Variants in CSMD3 observed in about 807,000 individuals in gnomAD.
CSMD3 encodes the protein CUB and sushi domain-containing protein 3.
Under a neutral mutation model 435.2 loss-of-function variants are expected in CSMD3, and 177 were observed. That is an observed-to-expected ratio of 0.41 (90% CI 0.36 to 0.46). The LOEUF (loss-of-function observed/expected upper bound fraction) is 0.46. Ranked by LOEUF, CSMD3 falls within the 20% of genes least tolerant of loss-of-function variation. The pLI, the probability that CSMD3 is intolerant of heterozygous loss-of-function variation, is 0.34. For synonymous variants in CSMD3, 1,656 were observed against 1,520.5 expected (o/e 1.09, Z -2.07); for missense variants, 4,265 against 4,504.6 (o/e 0.95, Z 1.52).
chr8:112,404,315 G>A (rs999548620), intron 35 of CSMD3, among the ~76,000 whole-genome samples: 2 of 152,000 alleles, frequency 1.3e-5, no homozygotes, highest in African/African-American at 2.4e-5. Context: ...GGATCACGAT[G>A]TCAGGAGTTC....
At chr8:113,233,477 A>G (rs2093112754) in intron 3 of CSMD3, among the ~76,000 whole-genome samples, 1 of 150,870 alleles carries the variant, frequency 6.6e-6, no homozygotes, top group Admixed American at 6.6e-5. Context: ...ATAATTATAA[A>G]GTAGAATATT....
At chr8:112,776,177 G>A (rs182706977) in intron 13 of CSMD3, among the ~76,000 whole-genome samples, 4 of 151,680 alleles carry the variant, frequency 2.6e-5, no homozygotes, top group African/African-American at 9.7e-5. Context: ...CATAACAGCC[G>A]TATCACCTGT....
intron 38 of CSMD3, among the ~76,000 whole-genome samples, chr8:112,378,242 A>C (rs1829136224): frequency 2.0e-5 from 3 of 151,912 alleles, no homozygotes. Context: ...ATTATAAACA[A>C]TAGTAGGGAG....
intron 38 of CSMD3, among the ~76,000 whole-genome samples, chr8:112,379,935 C>T (rs1228123544): frequency 2.0e-5 from 3 of 151,922 alleles, no homozygotes; most frequent in Non-Finnish European, 4.4e-5. Flanking sequence ...ATAGTCAGAC[C>T]CAAAATGGAG....
chr8:112,877,150 G>A (rs1018287586), intron 10 of CSMD3, among the ~76,000 whole-genome samples: 1 of 152,020 alleles, frequency 6.6e-6, no homozygotes, highest in African/African-American at 2.4e-5. Flanking sequence ...TCATGGATAG[G>A]AAGAATCAAT....
intron 47 of CSMD3, 118 bp from the exon 48 acceptor site, chr8:112,314,735 A>G (rs1822305148): frequency 1.3e-6 from 1 of 747,740 alleles, no homozygotes; most frequent in African/African-American, 1.7e-5. Flanking sequence ...GATACGTTGA[A>G]TTATTTGTTA....
intron 9 of CSMD3, among the ~76,000 whole-genome samples, chr8:112,928,944 C>A (rs1167742802): frequency 3.9e-5 from 5 of 129,650 alleles, no homozygotes; most frequent in South Asian, 2.8e-4. Context: ...TCCTCTCCAG[C>A]ACCTGTTGTT....
chr8:112,752,705 T>A (rs574768062), intron 13 of CSMD3, among the ~76,000 whole-genome samples: 2 of 152,176 alleles, frequency 1.3e-5, no homozygotes, highest in East Asian at 3.9e-4. Flanking sequence ...AAAGACAATA[T>A]GAGTAAGATT....
intron 7 of CSMD3, 146 bp from the exon 8 acceptor site, chr8:112,954,907 T>A (rs1404113318): frequency 4.9e-6 from 3 of 615,546 alleles, no homozygotes; most frequent in East Asian, 5.6e-5. Flanking sequence ...GAATTTTTTT[T>A]AAAGCAATAT....
chr8:113,415,023 C>T (rs1419439970), intron 1 of CSMD3, among the ~76,000 whole-genome samples: 6 of 151,964 alleles, frequency 3.9e-5, no homozygotes, highest in Non-Finnish European at 8.8e-5. Context: ...TACTGATGTA[C>T]TCATGCAGAA....
chr8:112,712,801 A>T (rs1219743630), intron 13 of CSMD3, among the ~76,000 whole-genome samples: 2 of 151,996 alleles, frequency 1.3e-5, no homozygotes, highest in Admixed American at 1.3e-4. Context: ...AAAATAAAAA[A>T]AAAAAAAAAG....
At chr8:112,484,225 C>T (rs548724971) in intron 31 of CSMD3, among the ~76,000 whole-genome samples, 5 of 152,068 alleles carry the variant, frequency 3.3e-5, no homozygotes, top group Admixed American at 1.3e-4. Flanking sequence ...GAATTTTTTT[C>T]TAACTGAATT....
At chr8:112,226,771 G>T (rs1812599021) in intron 70 of CSMD3, among the ~76,000 whole-genome samples, 2 of 151,952 alleles carry the variant, frequency 1.3e-5, no homozygotes, top group African/African-American at 4.8e-5. Flanking sequence ...AACAAAAATG[G>T]ACAAAGGGCC....
intron 41 of CSMD3, among the ~76,000 whole-genome samples, chr8:112,342,707 G>A (rs530494108): frequency 6.6e-5 from 10 of 151,864 alleles, no homozygotes; most frequent in East Asian, 3.9e-4. Flanking sequence ...CTGAGTAAAC[G>A]CGCATCATGT....
chr8:112,242,772 C>G (rs1022331922), intron 65 of CSMD3, among the ~76,000 whole-genome samples: 10 of 152,012 alleles, frequency 6.6e-5, no homozygotes, highest in Admixed American at 6.6e-4. Context: ...CTAGAGATAT[C>G]AAGCAAACAA....
At chr8:113,024,728 C>T (rs528464188) in intron 5 of CSMD3, among the ~76,000 whole-genome samples, 1 of 151,984 alleles carries the variant, frequency 6.6e-6, no homozygotes, top group Non-Finnish European at 1.5e-5. Flanking sequence ...TTTTCACACA[C>T]CTGTTGGCCA....
At chr8:113,110,977 G>C (rs2090620600) in intron 4 of CSMD3, among the ~76,000 whole-genome samples, 1 of 152,042 alleles carries the variant, frequency 6.6e-6, no homozygotes, top group African/African-American at 2.4e-5. Flanking sequence ...GAGCTCCTGT[G>C]GGCCTATTTT....
intron 43 of CSMD3, among the ~76,000 whole-genome samples, chr8:112,337,132 G>C (rs1428766156): frequency 6.6e-6 from 1 of 151,884 alleles, no homozygotes; most frequent in Non-Finnish European, 1.5e-5. Flanking sequence ...ACTTTCATTT[G>C]CCTCTTACTA....
Position 112,437,431 on chromosome 8 carries a change from A to C in CSMD3, c.5396-28399T>G, listed in dbSNP as rs370993965. Among the ~76,000 whole-genome samples, 6 of 152,110 alleles carry C rather than the reference A, an allele frequency of 3.9e-5. No individual in the cohort carries two copies. The East Asian group carries it at 5.8e-4, about 15-fold the overall frequency. ...TCTTTCAGAAGACGAAATTGCAGAC[A>C]ACTTACATAGCCTTTGTCACGACGG... On this transcript the variant is annotated intron_variant, in intron 32 of 70. Transcript: ENST00000297405.
Sources: allele counts gnomAD v4.1 joint callset (sites outside exome capture counted in the v4.1 genomes callset), GRCh38; gene constraint gnomAD v4.1.1; transcripts MANE v1.5; gene names NCBI Gene and HGNC (gene_info 2026-07-23, HGNC 2026-07-21).